Variants in PAH observed in about 807,000 individuals in gnomAD.
The protein encoded by PAH is phenylalanine hydroxylase.
A neutral mutation model predicts 62.0 loss-of-function variants in PAH; 64 were observed. The observed-to-expected ratio is 1.03, with a 90% confidence interval of 0.84 to 1.27. The LOEUF is 1.27. Among genes scored for constraint, PAH ranks in the 50% most tolerant of loss-of-function variants. The pLI is 0.00. For missense variants in PAH, 579 were observed against 542.8 expected (o/e 1.07, Z -0.66); for synonymous variants, 195 against 196.2 (o/e 0.99, Z 0.05).
intron 4 of PAH, among the ~76,000 whole-genome samples, chr12:102,872,979 G>T (rs1876415917): frequency 6.6e-6 from 1 of 152,088 alleles, no homozygotes; most frequent in Admixed American, 6.6e-5. Flanking sequence ...AAAAAACCAT[G>T]TAGTTTCAAA....
upstream of PAH, among the ~76,000 whole-genome samples, chr12:102,952,201 C>T (rs1328050984): frequency 6.6e-6 from 1 of 152,136 alleles, no homozygotes; most frequent in African/African-American, 2.4e-5. Flanking sequence ...TGAATGGACT[C>T]CACGCTTCTT....
intron 3 of PAH, among the ~76,000 whole-genome samples, chr12:102,882,554 T>G (rs1876855359): frequency 6.7e-6 from 1 of 149,924 alleles, no homozygotes; most frequent in African/African-American, 2.5e-5. Context: ...ACTGCTCAGC[T>G]GTGAGTTACA....
chr12:102,948,489 G>T (rs1444253024), intron 1 of PAH, among the ~76,000 whole-genome samples: 1 of 152,158 alleles, frequency 6.6e-6, no homozygotes, highest in East Asian at 1.9e-4. Flanking sequence ...TCCGGGGCTG[G>T]GTAGGTTGTT....
rs1001330996 is a variant in PAH, at chr12:102,882,705, A to G, written c.353-5155T>C. 6.8e-5 allele frequency among the ~76,000 whole-genome samples: 10 copies of G among 146,100 alleles called. No homozygotes were observed. The Admixed American group carries it at 6.9e-4, about 10-fold the overall frequency. The stretch of plus-strand genomic sequence containing the variant: ...TTTTTTTCTACTGTATCCTTAGCTT[A>G]TCATAGCAGAGAGCAGAGTGGAAAG... On this transcript the variant is annotated intron_variant, in intron 3 of 12. Coordinates refer to ENST00000553106, the MANE Select transcript of PAH (RefSeq NM_000277.3).
At position 102,894,911 on chromosome 12, in the gene PAH, T is replaced by A. The variant is rs199475672; in HGVS notation, c.176A>T (p.Asp59Val). 2 of 1,612,596 alleles carry A rather than the reference T, an allele frequency of 1.2e-6. No homozygotes were observed. Among genetic ancestry groups the A allele is most frequent in the Non-Finnish European group, 1.7e-6 (2 of 1,179,180 alleles). Reference sequence around the variant, plus strand: ...AGATTCAATGTGGGTCAGGTTTACATCATTCTCCTAGAAGAGAGAATGGGG... The same window carrying A: ...AGATTCAATGTGGGTCAGGTTTACAACATTCTCCTAGAAGAGAGAATGGGG... ...AKVLRLFEEN[D>V]VNLTHIESRP... Residue 59 changes from aspartate (D) to valine (V), a missense_variant, in exon 3 of 13, where the codon GAT (aspartate) becomes GTT (valine). Transcript: ENST00000553106.
At chr12:102,853,647 C>T (rs1290896156) in intron 6 of PAH, among the ~76,000 whole-genome samples, 1 of 152,218 alleles carries the variant, frequency 6.6e-6, no homozygotes, top group East Asian at 1.9e-4. Context: ...ATCTATATCA[C>T]ATTCTCTAAA....
intron 1 of PAH, among the ~76,000 whole-genome samples, chr12:102,925,817 T>C (rs1022609168): frequency 2.0e-5 from 3 of 152,192 alleles, no homozygotes; most frequent in African/African-American, 7.2e-5. Context: ...CCAGGAATTC[T>C]TAGCAGAATT....
intron 2 of PAH, among the ~76,000 whole-genome samples, chr12:102,908,016 T>C (rs1191796100): frequency 6.6e-6 from 1 of 150,866 alleles, no homozygotes; most frequent in Non-Finnish European, 1.5e-5. Context: ...TTCTGAAGTA[T>C]GTTTGGAAAA....
At chr12:102,912,314 G>T (rs868650640) in intron 2 of PAH, among the ~76,000 whole-genome samples, 12 of 152,256 alleles carry the variant, frequency 7.9e-5, no homozygotes, top group Middle Eastern at 3.4e-3. Flanking sequence ...GCTACTTGAA[G>T]AAAGGGACGG....
At chr12:102,953,815 GA>G (rs1239511782), upstream of PAH, 1 of 152,208 alleles carries the variant, frequency 6.6e-6, no homozygotes, top group African/African-American at 2.4e-5. Flanking sequence ...CCACCCTCAT[GA>G]CAAGACAGAA....
chr12:102,875,102 G>A (rs938588911), intron 4 of PAH, among the ~76,000 whole-genome samples: 1 of 152,236 alleles, frequency 6.6e-6, no homozygotes, highest in African/African-American at 2.4e-5. Context: ...CTTGGCCCAC[G>A]TCCCTGGGAT....
At chr12:102,958,271 C>T (rs762725427) in exon 1 of PAH, 5 of 1,473,900 alleles carry the variant, frequency 3.4e-6, no homozygotes, top group East Asian at 3.0e-5. Flanking sequence ...AGATGGAGAG[C>T]GGCGGCGCCG....
At chr12:102,868,164 A>G (rs1357564176) in intron 4 of PAH, among the ~76,000 whole-genome samples, 77 of 7,520 alleles carry the variant, frequency 0.01, 8 homozygotes, top group African/African-American at 0.034. Flanking sequence ...ACACATATAT[A>G]TACATATATG....
At position 102,935,058 on chromosome 12, in the gene PAH, G is replaced by A. The variant is rs201901745; in HGVS notation, c.-96+15531C>T. ...TGTCATATATGGCTTTTATTGTGTT[G>A]AGGTATGTTCCTTCTATACCCAGTT... is the stretch of plus-strand genomic sequence containing the variant. On this transcript the variant is annotated intron_variant, in intron 1 of 3. Transcript: ENST00000546844. Among the ~76,000 whole-genome samples the A allele has an allele frequency of 1.4e-4, 22 of 152,156 alleles. No individual in the cohort carries two copies. In the East Asian group the frequency reaches 4.2e-3, roughly 29 times the overall value.
chr12:102,870,642 T>C (rs1179716713), intron 4 of PAH, among the ~76,000 whole-genome samples: 1 of 152,210 alleles, frequency 6.6e-6, no homozygotes, highest in Admixed American at 6.5e-5. Context: ...ATCTACAGAA[T>C]TCTTACCTTG....
At chr12:102,882,525 GCA>G (rs1303394368) in intron 3 of PAH, among the ~76,000 whole-genome samples, 1 of 151,580 alleles carries the variant, frequency 6.6e-6, no homozygotes, top group Non-Finnish European at 1.5e-5. Context: ...AACAATACTG[GCA>G]CATAGTAGAC....
intron 5 of PAH, among the ~76,000 whole-genome samples, chr12:102,856,057 TTTTA>T (rs901665061): frequency 6.1e-5 from 8 of 131,828 alleles, no homozygotes; most frequent in Non-Finnish European, 7.9e-5. Context: ...TATATACAAT[TTTTA>T]TTTGTCAATT....
Position 102,917,177 on chromosome 12 carries a change from A to ACAGG in PAH, c.-51_-48dup, listed in dbSNP as rs1230508615. 8.2e-6 allele frequency: 13 copies of ACAGG among 1,583,056 alleles called. No individual in the cohort carries two copies. Among genetic ancestry groups the ACAGG allele is most frequent in the Admixed American group, 5.0e-5 (3 of 59,898 alleles). On this transcript the variant is annotated 5_prime_UTR_variant, in exon 1 of 13. Transcript: ENST00000553106. The stretch of plus-strand genomic sequence containing the variant: ...TCTCTGGCTTTTTAGGGCCTCAGGT[A>ACAGG]CAGGCAGGTTTGCAAACAGCACGTG...
chr12:102,899,996 CTTCT>C (rs1023111373), intron 2 of PAH, among the ~76,000 whole-genome samples: 12 of 148,490 alleles, frequency 8.1e-5, no homozygotes, highest in Non-Finnish European at 1.3e-4. Context: ...ATTTTGTTTC[CTTCT>C]TTCTCTTTTT....
Sources: allele counts gnomAD v4.1 joint callset (sites outside exome capture counted in the v4.1 genomes callset), GRCh38; gene constraint gnomAD v4.1.1; transcripts MANE v1.5; gene names NCBI Gene and HGNC (gene_info 2026-07-23, HGNC 2026-07-21).